Variants in FGF12 observed in about 807,000 individuals in gnomAD.
FGF12 encodes the protein fibroblast growth factor 12, also known as fibroblast growth factor 12B.
In FGF12, 14 loss-of-function variants were observed where a neutral mutation model predicts 23.6. The ratio of observed to expected loss-of-function variants is 0.59; its 90% CI spans 0.39 to 0.93. The LOEUF (loss-of-function observed/expected upper bound fraction) is 0.93, where lower values mean the gene tolerates loss of function less well. FGF12 is among the 40% of genes least tolerant of loss of function. The pLI, the probability that FGF12 is intolerant of heterozygous loss-of-function variation, is 0.00. For missense variants in FGF12, 175 were observed against 217.8 expected (o/e 0.80, Z 1.24); for synonymous variants, 62 against 77.3 (o/e 0.80, Z 1.04).
At position 192,519,856 on chromosome 3, in the gene FGF12, G is replaced by GTTAGTAAA. The variant is rs1724772920; in HGVS notation, c.14-159319_14-159318insTTTACTAA. On this transcript the variant is annotated intron_variant, in intron 2 of 5. Coordinates refer to ENST00000445105, the MANE Select transcript of FGF12 (RefSeq NM_004113.6). ...CCAATACTATCATTATTTATTTTGT[G>GTTAGTAAA]GCTAAAATTGTTCTGGCTTTAGCCA... is the stretch of plus-strand genomic sequence containing the variant. 6.6e-5 allele frequency among the ~76,000 whole-genome samples: 10 copies of GTTAGTAAA among 152,262 alleles called. No individual in the cohort carries two copies. In the South Asian group the frequency reaches 2.1e-3, roughly 32 times the overall value.
intron 4 of FGF12, among the ~76,000 whole-genome samples, chr3:192,241,772 TC>T (rs142039234): frequency 2.8e-3 from 421 of 152,306 alleles, no homozygotes; most frequent in African/African-American, 0.01. Context: ...CATTGCTGTG[TC>T]CCGAGCACCT....
intron 5 of FGF12, among the ~76,000 whole-genome samples, 177 bp downstream of exon 5, chr3:192,170,281 A>G (rs1715478645): frequency 8.9e-6 from 1 of 112,664 alleles, no homozygotes; most frequent in African/African-American, 4.7e-5. Context: ...CTCTGCCTCA[A>G]AAGAAAAAAA....
intron 2 of FGF12, among the ~76,000 whole-genome samples, chr3:192,504,545 G>A (rs557069831): frequency 6.6e-6 from 1 of 152,074 alleles, no homozygotes; most frequent in Non-Finnish European, 1.5e-5. Flanking sequence ...AAACTTTTGT[G>A]TGTTTGGTGA....
intron 4 of FGF12, among the ~76,000 whole-genome samples, chr3:192,323,864 G>A (rs1026094110): frequency 6.6e-6 from 1 of 152,072 alleles, no homozygotes; most frequent in Admixed American, 6.6e-5. Flanking sequence ...GCTGAGGCAG[G>A]CAGATCGCCT....
In FGF12 at chr3:192,583,920, C is replaced by T. The variant is rs6804124; in HGVS notation, c.13+143261G>A. On this transcript the variant is annotated intron_variant, in intron 2 of 5. Transcript: ENST00000445105. ...GACTAGCTTTACAAAGCCTGCTGAG[C>T]TGTTGTGAAGAATAGGGTTCTGCTG... Among the ~76,000 whole-genome samples, 936 of 152,232 alleles carry T rather than the reference C, an allele frequency of 6.1e-3. 13 individuals are homozygous for T. Among genetic ancestry groups the T allele is most frequent in the African/African-American group, 0.021 (890 of 41,524 alleles).
chr3:192,273,541 C>A (rs1029825166), intron 4 of FGF12, among the ~76,000 whole-genome samples: 1 of 152,028 alleles, frequency 6.6e-6, no homozygotes, highest in African/African-American at 2.4e-5. Context: ...CGAGGAGTCA[C>A]GCAGCATCTC....
chr3:192,725,728 T>C (rs960439012), intron 2 of FGF12, among the ~76,000 whole-genome samples: 1 of 152,192 alleles, frequency 6.6e-6, no homozygotes, highest in African/African-American at 2.4e-5. Flanking sequence ...CAAGAAAAAC[T>C]GTTTCATAGT....
rs145244979 is a variant in FGF12 at position 192,595,706 on chromosome 3, G to T, written c.13+131475C>A. 3.3e-5 allele frequency among the ~76,000 whole-genome samples: 5 copies of T among 152,266 alleles called. No homozygotes were observed. The East Asian group carries it at 9.7e-4, about 29-fold the overall frequency. ...AAATCATTGTTGTAGTAAGTGGTAG[G>T]CTTTGAACTTGGTCTTGGTAGATTA... On this transcript the variant is annotated intron_variant, in intron 2 of 5. Coordinates refer to ENST00000445105, the MANE Select transcript of FGF12 (RefSeq NM_004113.6).
chr3:192,707,080 T>C (rs1041871718), intron 2 of FGF12, among the ~76,000 whole-genome samples: 2 of 152,192 alleles, frequency 1.3e-5, no homozygotes, highest in Admixed American at 6.5e-5. Context: ...TATTTCAGTT[T>C]CCGCTTTTGA....
intron 2 of FGF12, among the ~76,000 whole-genome samples, chr3:192,592,310 G>A (rs1713659711): frequency 6.6e-6 from 1 of 151,806 alleles, no homozygotes; most frequent in South Asian, 2.1e-4. Context: ...CTTTGCTGGT[G>A]TACACTGTAG....
intron 2 of FGF12, among the ~76,000 whole-genome samples, chr3:192,475,558 T>C (rs1560122448): frequency 6.6e-6 from 1 of 152,174 alleles, no homozygotes; most frequent in Non-Finnish European, 1.5e-5. Flanking sequence ...AAAGCACAAA[T>C]TCAAAGATGT....
intron 2 of FGF12, among the ~76,000 whole-genome samples, chr3:192,676,510 G>A (rs1505451): frequency 0.067 from 10,262 of 152,252 alleles, 527 homozygotes; most frequent in Non-Finnish European, 0.11. Flanking sequence ...AATAATGTAC[G>A]CAAGTGAATT....
intron 2 of FGF12, among the ~76,000 whole-genome samples, chr3:192,438,800 T>A (rs1461668092): frequency 6.6e-6 from 1 of 152,218 alleles, no homozygotes; most frequent in Non-Finnish European, 1.5e-5. Context: ...CGCTTCAACA[T>A]GTCAAAGCCT....
At chr3:192,458,232 C>A (rs1169145511) in intron 2 of FGF12, among the ~76,000 whole-genome samples, 1 of 152,280 alleles carries the variant, frequency 6.6e-6, no homozygotes, top group East Asian at 1.9e-4. Context: ...CACACAGAGT[C>A]CCTACTGGGG....
At chr3:192,213,120 G>A (rs527352893) in intron 4 of FGF12, among the ~76,000 whole-genome samples, 74 of 152,342 alleles carry the variant, frequency 4.9e-4, no homozygotes, top group South Asian at 8.3e-4. Context: ...ACGTGCTTAC[G>A]CTTCTGGGCA....
In FGF12 at chr3:192,514,884, G is replaced by A; in HGVS notation, c.14-154346C>T. The A allele has an allele frequency of 1.0e-6, 1 of 985,350 alleles. No homozygotes were observed. The allele number at this position is 985,350 out of a possible 1,614,324, so 61.0% of individuals were successfully genotyped here. A position where few individuals can be genotyped will look rare whatever the true frequency, so the allele number is the denominator to read the frequency against. ...CGCGCGCCCAGGTGGAGGGGAGTTT[G>A]CACATGGAGCCGGAGGGAGCCCGGG... is the stretch of plus-strand genomic sequence containing the variant. On this transcript the variant is annotated intron_variant, in intron 2 of 5. Transcript: ENST00000445105. The surrounding 1 kb of genome is among the most constrained non-coding windows in gnomAD (Gnocchi z 4.9).
Position 192,390,296 on chromosome 3 carries a change from C to CAA in FGF12, c.14-29759_14-29758insTT, listed in dbSNP as rs1194763518. ...TCCGGCCTGGCTCAAATGCCATACT[C>CAA]AGAGTGTGGGGGCTGTGGATACAGC... On this transcript the variant is annotated intron_variant, in intron 2 of 5. Coordinates refer to ENST00000445105, the MANE Select transcript of FGF12 (RefSeq NM_004113.6). Among the ~76,000 whole-genome samples the CAA allele has an allele frequency of 2.0e-5, 3 of 152,116 alleles. No homozygotes were observed. In the East Asian group the frequency reaches 5.8e-4, roughly 29 times the overall value.
intron 2 of FGF12, among the ~76,000 whole-genome samples, chr3:192,379,606 A>C (rs540623199): frequency 6.6e-6 from 1 of 152,364 alleles, no homozygotes; most frequent in African/African-American, 2.4e-5. Flanking sequence ...TGACATCGAA[A>C]TTTCACATAT....
intron 2 of FGF12, among the ~76,000 whole-genome samples, chr3:192,434,514 G>A (rs549070012): frequency 1.3e-5 from 2 of 152,206 alleles, no homozygotes; most frequent in South Asian, 4.2e-4. Context: ...TGTGTGTGCA[G>A]GCATATGTGT....
Sources: allele counts gnomAD v4.1 joint callset (sites outside exome capture counted in the v4.1 genomes callset), GRCh38; gene constraint gnomAD v4.1.1; non-coding constraint Gnocchi (gnomAD v3.1); transcripts MANE v1.5; gene names NCBI Gene and HGNC (gene_info 2026-07-23, HGNC 2026-07-21).